Variants in CAPZB observed in about 807,000 individuals in gnomAD.
The protein encoded by CAPZB is F-actin-capping protein subunit beta.
CAPZB carries 2 observed loss-of-function variants against 38.1 expected under a neutral mutation model. The observed-to-expected ratio is 0.05, with a 90% confidence interval of 0.02 to 0.17. CAPZB has a LOEUF of 0.17. Ranked by LOEUF, CAPZB falls within the 10% of genes least tolerant of loss-of-function variation. CAPZB has a pLI of 1.00. For missense variants in CAPZB, 161 were observed against 334.2 expected, an observed-to-expected ratio of 0.48 and a Z score of 4.04; for synonymous variants, 107 against 127.4, an observed-to-expected ratio of 0.84 and a Z score of 1.08.
chr1:19,472,661 A>C (rs980942208), intron 1 of CAPZB, among the ~76,000 whole-genome samples: 2 of 148,458 alleles, frequency 1.3e-5, no homozygotes, highest in African/African-American at 5.0e-5. Context: ...GTAGAGAATG[A>C]GGTTCCATTT....
intron 1 of CAPZB, among the ~76,000 whole-genome samples, chr1:19,469,901 A>G (rs2094581362): frequency 1.3e-5 from 2 of 152,204 alleles, no homozygotes; most frequent in Non-Finnish European, 2.9e-5. Context: ...AGCCCAGGAC[A>G]GACGGACTAC....
chr1:19,477,615 C>T (rs1313397120), intron 1 of CAPZB, among the ~76,000 whole-genome samples: 2 of 152,216 alleles, frequency 1.3e-5, no homozygotes, highest in Non-Finnish European at 2.9e-5. Flanking sequence ...GAGAAGCCTT[C>T]AGCAGCAACA....
chr1:19,381,929 CTT>C (rs2094177224), intron 3 of CAPZB, among the ~76,000 whole-genome samples: 1 of 152,108 alleles, frequency 6.6e-6, no homozygotes, highest in South Asian at 2.1e-4. Flanking sequence ...ATAAACAAGG[CTT>C]GGTTCTTCTG....
At chr1:19,468,783 T>A (rs527585051) in intron 1 of CAPZB, among the ~76,000 whole-genome samples, 1 of 151,792 alleles carries the variant, frequency 6.6e-6, no homozygotes, top group Non-Finnish European at 1.5e-5. Flanking sequence ...GGCCACTGAG[T>A]CGGCACACGC....
chr1:19,439,352 T>C (rs1472525736), intron 1 of CAPZB, among the ~76,000 whole-genome samples: 1 of 152,218 alleles, frequency 6.6e-6, no homozygotes, highest in Non-Finnish European at 1.5e-5. Context: ...TATGGGAAAA[T>C]ATGGTATCAA....
rs181908306 is a variant in CAPZB, at chr1:19,344,367, T to G, written c.722A>C (p.Asn241Thr). Reference protein sequence around the residue: ...IYFGKTKDIVNGLRSVQTFAD... With the variant: ...IYFGKTKDIVTGLRSVQTFAD... ...CTTTCTGGTACATTACCTCAGCCCA[T>G]TGACGATATCCTTTGTTTTTCCAAA... The change falls in exon 8 of 9, where the codon AAT (asparagine) becomes ACT (threonine). Residue 241 changes from asparagine (N) to threonine (T), a missense_variant. By Grantham distance (65) the Asn-to-Thr change is moderately conservative. Coordinates refer to ENST00000264202, the MANE Select transcript of CAPZB (RefSeq NM_004930.5). The G allele has an allele frequency of 1.2e-6, 2 of 1,612,722 alleles. No homozygotes were observed. Among genetic ancestry groups the G allele is most frequent in the East Asian group, 2.2e-5 (1 of 44,876 alleles).
rs77601170 is a variant in CAPZB at position 19,386,717 on chromosome 1, C to T, written c.94-1091G>A. ...CCAGCCTCCACGGGCTCCTCTGCTG[C>T]CCCTCCAGGGTGCTTTAGAACTCAG... On this transcript the variant is annotated intron_variant, in intron 2 of 8. Coordinates refer to ENST00000264202, the MANE Select transcript of CAPZB (RefSeq NM_004930.5). 9.9e-3 allele frequency among the ~76,000 whole-genome samples: 1,511 copies of T among 152,334 alleles called. 68 individuals are homozygous for T. The East Asian group carries it at 0.14, about 14-fold the overall frequency.
chr1:19,450,967 T>C (rs562262579), intron 1 of CAPZB, among the ~76,000 whole-genome samples: 2 of 152,360 alleles, frequency 1.3e-5, no homozygotes, highest in South Asian at 2.1e-4. Context: ...GAATGATCTC[T>C]GCTATTACAT....
Position 19,416,860 on chromosome 1 carries a change from C to CAAAAAAAAAAAA in CAPZB, c.93+2789_93+2800dup, listed in dbSNP as rs59789230. 7.8e-4 allele frequency among the ~76,000 whole-genome samples: 54 copies of CAAAAAAAAAAAA among 69,436 alleles called. 4 individuals carry two copies. Among genetic ancestry groups the CAAAAAAAAAAAA allele is most frequent in the African/African-American group, 2.9e-3 (48 of 16,804 alleles). The allele number at this position is 69,436 out of a possible 152,430, so 45.6% of individuals were successfully genotyped here. On this transcript the variant is annotated intron_variant, in intron 2 of 8. Transcript: ENST00000264202. ...TGGGTGACAGAGCAAGACCCTGTCT[C>CAAAAAAAAAAAA]AAAAAAAAAAAAAAAAAAAAAAAAA...
In CAPZB at chr1:19,339,369, C is replaced by T; in HGVS notation, c.*161G>A. On this transcript the variant is annotated 3_prime_UTR_variant, in exon 9 of 9. Transcript: ENST00000264202. Reference sequence around the variant, plus strand: ...CTCGGAGCCGGAGGAGGGTGGCTATCGGCTTTATTCTCAGGGAGAGATGGC... The same window carrying T: ...CTCGGAGCCGGAGGAGGGTGGCTATTGGCTTTATTCTCAGGGAGAGATGGC... 4 of 679,416 alleles carry T rather than the reference C, an allele frequency of 5.9e-6. No homozygotes were observed. In the South Asian group the frequency reaches 6.8e-5, roughly 12 times the overall value. The allele number at this position is 679,416 out of a possible 1,614,324, so 42.1% of individuals were successfully genotyped here.
chr1:19,460,254 G>T (rs992437346), intron 1 of CAPZB, among the ~76,000 whole-genome samples: 1 of 152,308 alleles, frequency 6.6e-6, no homozygotes, highest in Non-Finnish European at 1.5e-5. Context: ...GTGAGTGGAA[G>T]ACATGAACAG....
At chr1:19,353,082 A>T (rs1364777581) in intron 6 of CAPZB, among the ~76,000 whole-genome samples, 1 of 152,226 alleles carries the variant, frequency 6.6e-6, no homozygotes, top group Non-Finnish European at 1.5e-5. Flanking sequence ...CCGGGGCCAC[A>T]CACAGGGAAG....
At chr1:19,373,685 T>G (rs1370447652) in intron 4 of CAPZB, among the ~76,000 whole-genome samples, 2 of 151,886 alleles carry the variant, frequency 1.3e-5, no homozygotes, top group Non-Finnish European at 2.9e-5. Flanking sequence ...TTTTTATTTT[T>G]TAGTTTTCTT....
chr1:19,361,235 C>A (rs2094051045), intron 4 of CAPZB, among the ~76,000 whole-genome samples: 1 of 152,242 alleles, frequency 6.6e-6, no homozygotes, highest in Admixed American at 6.5e-5. Flanking sequence ...TGGTCAATCT[C>A]TCACTTCGAA....
At chr1:19,479,874 T>A (rs1477660221) in intron 1 of CAPZB, among the ~76,000 whole-genome samples, 4 of 152,192 alleles carry the variant, frequency 2.6e-5, no homozygotes, top group African/African-American at 2.4e-5. Context: ...CTCCTGAGAC[T>A]GAGGCACCCC....
intron 4 of CAPZB, among the ~76,000 whole-genome samples, chr1:19,358,661 T>C (rs552388142): frequency 1.3e-5 from 2 of 152,316 alleles, no homozygotes; most frequent in African/African-American, 2.4e-5. Flanking sequence ...ACAAAAACTA[T>C]GCGAAATCTC....
chr1:19,441,868 C>T (rs1052879163), intron 1 of CAPZB, among the ~76,000 whole-genome samples: 4 of 151,868 alleles, frequency 2.6e-5, no homozygotes, highest in Admixed American at 6.6e-5. Context: ...ATTAGCTGGG[C>T]GTGGTGGTGG....
intron 1 of CAPZB, among the ~76,000 whole-genome samples, chr1:19,466,573 C>T (rs2100759877): frequency 6.6e-6 from 1 of 152,242 alleles, no homozygotes; most frequent in East Asian, 1.9e-4. Context: ...CTGGTGCTCA[C>T]ATGGTCTGAT....
At chr1:19,450,165 A>AAG (rs2094511006) in intron 1 of CAPZB, among the ~76,000 whole-genome samples, 2 of 128,140 alleles carry the variant, frequency 1.6e-5, no homozygotes, top group African/African-American at 6.4e-5. Context: ...AAAAAAAAAA[A>AAG]AAAAGAAAAG....
Sources: gnomAD v4.1 joint callset for allele counts (sites outside exome capture counted in the v4.1 genomes callset) on GRCh38, gnomAD v4.1.1 for gene constraint, MANE v1.5 for transcripts, NCBI Gene and HGNC (gene_info 2026-07-23, HGNC 2026-07-21) for gene names.